Variants in CLMN observed in about 807,000 individuals in gnomAD.
CLMN encodes the protein calmin, also known as calmin (calponin-like, transmembrane).
CLMN carries 57 observed loss-of-function variants against 92.7 expected under a neutral mutation model. That is an observed-to-expected ratio of 0.61 (90% CI 0.50 to 0.77). CLMN has a LOEUF of 0.77. Ranked by LOEUF, CLMN falls within the 30% of genes least tolerant of loss-of-function variation. The pLI is 0.00. For synonymous variants in CLMN, 466 were observed against 470.6 expected, an observed-to-expected ratio of 0.99 and a Z score of 0.13; for missense variants, 1,158 against 1,237.5, an observed-to-expected ratio of 0.94 and a Z score of 0.96.
chr14:95,319,589 A>C, intron 1 of CLMN, 122 bp downstream of exon 1: 1 of 784,118 alleles, frequency 1.3e-6, no homozygotes, highest in Non-Finnish European at 1.9e-6. Context: ...CCTCGAGGCA[A>C]GTGACAGGAA....
Position 95,222,230 on chromosome 14 carries a change from G to A in CLMN, c.241-456C>T, listed in dbSNP as rs147972485. ...TCAGCTGCTAAATCATCCAGCCGAG[G>A]TCCTCCCCAGTGGCGGCAGATGTTT... On this transcript the variant is annotated intron_variant, in intron 3 of 12. Coordinates refer to ENST00000298912, the MANE Select transcript of CLMN (RefSeq NM_024734.4). Among the ~76,000 whole-genome samples the A allele has an allele frequency of 3.2e-3, 495 of 152,320 alleles. 5 individuals are homozygous for A. Among genetic ancestry groups the A allele is most frequent in the African/African-American group, 0.012 (482 of 41,558 alleles).
chr14:95,277,707 A>C (rs1188295935), intron 1 of CLMN, among the ~76,000 whole-genome samples: 1 of 152,198 alleles, frequency 6.6e-6, no homozygotes, highest in Non-Finnish European at 1.5e-5. Context: ...GGCTCACTGC[A>C]ACCTCTGCCT....
rs548585300 is a variant in CLMN at position 95,231,225 on chromosome 14, C to G, written c.83-1092G>C. 2.7e-4 allele frequency among the ~76,000 whole-genome samples: 39 copies of G among 142,476 alleles called. 2 individuals carry two copies. In the South Asian group the frequency reaches 8.2e-3, roughly 30 times the overall value. The allele number at this position is 142,476 out of a possible 152,430, so 93.5% of individuals were successfully genotyped here. A position where few individuals can be genotyped will look rare whatever the true frequency, so the allele number is the denominator to read the frequency against. On this transcript the variant is annotated intron_variant, in intron 1 of 12. Transcript: ENST00000298912. ...TTTTTTTTTTTTTTTGATACAGAGTCTAGCTCTGTCACCCAGGCTGGAGTG... is the reference window on the plus strand; with the variant it reads ...TTTTTTTTTTTTTTTGATACAGAGTGTAGCTCTGTCACCCAGGCTGGAGTG...
intron 1 of CLMN, among the ~76,000 whole-genome samples, chr14:95,285,199 T>C (rs1900294160): frequency 6.6e-6 from 1 of 152,220 alleles, no homozygotes; most frequent in Non-Finnish European, 1.5e-5. Context: ...TGAGGCCTCC[T>C]TAGCCATGTG....
chr14:95,202,881 T>C lies in CLMN; in HGVS notation c.2468A>G (p.Gln823Arg). The C allele has an allele frequency of 6.4e-7, 1 of 1,564,036 alleles. No individual in the cohort carries two copies. The highest frequency in any genetic ancestry group is 8.6e-7 in the Non-Finnish European group (1 of 1,160,068). ...PAPLAPHEDH[Q>R]QRETKENDPM... ...GTCATTCTCTTTGGTCTCCCTTTGCTGGTGGTCCTCATGGGGGGCCAGTGG... is the reference window on the plus strand; with the variant it reads ...GTCATTCTCTTTGGTCTCCCTTTGCCGGTGGTCCTCATGGGGGGCCAGTGG... The change falls in exon 9 of 13, where the codon CAG becomes CGG. Residue 823 changes from glutamine (Q) to arginine (R), a missense_variant. Gln to Arg is a conservative substitution (Grantham distance 43). Transcript: ENST00000298912.
At chr14:95,237,110 A>G (rs556947364) in intron 1 of CLMN, among the ~76,000 whole-genome samples, 1 of 152,352 alleles carries the variant, frequency 6.6e-6, no homozygotes, top group East Asian at 1.9e-4. Context: ...ACTACCCTGT[A>G]AAATGGAGAT....
Position 95,204,311 on chromosome 14 carries a change from T to C in CLMN, c.1038A>G (p.Pro346=). The C allele has an allele frequency of 1.2e-6, 2 of 1,613,500 alleles. No homozygotes were observed. The highest frequency in any genetic ancestry group is 1.7e-6 in the Non-Finnish European group (2 of 1,179,918). ...YTVNHETSHP[P]PSKVFVCDKP... ...TGTCACAGACAAAGACTTTGGAGGG[T>C]GGTGGGTGGCTGGTTTCATGGTTAA... Residue 346 remains proline, a synonymous_variant, in exon 9 of 13, where the codon CCA becomes CCG. Coordinates refer to ENST00000298912, the MANE Select transcript of CLMN (RefSeq NM_024734.4).
chr14:95,254,747 G>T (rs1006415966), intron 1 of CLMN, among the ~76,000 whole-genome samples: 2 of 152,162 alleles, frequency 1.3e-5, no homozygotes, highest in Non-Finnish European at 2.9e-5. Flanking sequence ...ACCCAGGCTG[G>T]AGTGCAGTGG....
At chr14:95,266,813 A>C (rs1899492289) in intron 1 of CLMN, among the ~76,000 whole-genome samples, 1 of 152,226 alleles carries the variant, frequency 6.6e-6, no homozygotes, top group South Asian at 2.1e-4. Flanking sequence ...CAAGTAACCA[A>C]AACAGCATGG....
intron 8 of CLMN, among the ~76,000 whole-genome samples, chr14:95,206,865 G>C (rs1897058812): frequency 6.6e-6 from 1 of 152,158 alleles, no homozygotes; most frequent in African/African-American, 2.4e-5. Flanking sequence ...TACAGATTAA[G>C]AGCTCAGGGC....
chr14:95,299,573 C>T (rs776807485), intron 1 of CLMN, among the ~76,000 whole-genome samples: 1 of 152,170 alleles, frequency 6.6e-6, no homozygotes, highest in Non-Finnish European at 1.5e-5. Flanking sequence ...AACCTGTCCA[C>T]GCCCACTAGG....
At chr14:95,240,414 A>C (rs1351162437) in intron 1 of CLMN, among the ~76,000 whole-genome samples, 1 of 152,140 alleles carries the variant, frequency 6.6e-6, no homozygotes, top group Non-Finnish European at 1.5e-5. Context: ...CATGGCCCCA[A>C]ACAAAATCCC....
chr14:95,210,820 G>A lies in CLMN; in HGVS notation c.668C>T (p.Ala223Val), dbSNP rs150401399. 1.1e-5 allele frequency: 18 copies of A among 1,577,102 alleles called. No homozygotes were observed. Among genetic ancestry groups the A allele is most frequent in the South Asian group, 4.6e-5 (4 of 86,232 alleles). ...GCTGGGGTCAATGGCCTTGATCACC[G>A]CCAGGAAAGCCAGCCCACTCCTCCA... ...GSWRSGLAFL[A>V]VIKAIDPSLV... is the part of the protein sequence containing the mutation. Residue 223 changes from alanine (A) to valine (V), a missense_variant, in exon 7 of 13, where the codon GCG becomes GTG. Physicochemically the swap from Ala to Val is moderately conservative, Grantham distance 64. Transcript: ENST00000298912.
At chr14:95,275,632 C>T (rs1042521699) in intron 1 of CLMN, among the ~76,000 whole-genome samples, 1 of 152,206 alleles carries the variant, frequency 6.6e-6, no homozygotes, top group Non-Finnish European at 1.5e-5. Flanking sequence ...GTCCTCTGGA[C>T]CACACTGCCT....
chr14:95,215,723 A>C lies in CLMN; in HGVS notation c.335T>G (p.Val112Gly), dbSNP rs925159176. ...KFLEDSNVKLVSIDAAEIADG... is the reference protein window; with the variant it reads ...KFLEDSNVKLGSIDAAEIADG... Reference sequence around the variant, plus strand: ...TGCTATTTCTGCTGCATCAATGCTAACCAGTTTTACCTGGAGGGAAGCAAT... The same window carrying C: ...TGCTATTTCTGCTGCATCAATGCTACCCAGTTTTACCTGGAGGGAAGCAAT... The change falls in exon 5 of 13, where the codon GTT becomes GGT. Residue 112 changes from valine to glycine, a missense_variant. By Grantham distance (109) the Val-to-Gly change is moderately radical (BLOSUM62 -3). Coordinates refer to ENST00000298912, the MANE Select transcript of CLMN (RefSeq NM_024734.4). 6.2e-7 allele frequency: 1 copy of C among 1,614,058 alleles called. No homozygotes were observed. Among genetic ancestry groups the C allele is most frequent in the Non-Finnish European group, 8.5e-7 (1 of 1,179,950 alleles).
intron 1 of CLMN, among the ~76,000 whole-genome samples, chr14:95,258,213 G>A (rs747591140): frequency 2.0e-5 from 3 of 151,780 alleles, no homozygotes; most frequent in Non-Finnish European, 4.4e-5. Context: ...ATGATGTGGT[G>A]TGTGTGGTGT....
At chr14:95,223,405 AGGGT>A (rs1476154782) in intron 3 of CLMN, among the ~76,000 whole-genome samples, 1 of 152,204 alleles carries the variant, frequency 6.6e-6, no homozygotes, top group Admixed American at 6.5e-5. Flanking sequence ...GCTTAGCCTT[AGGGT>A]GGTTGATAAA....
intron 2 of CLMN, among the ~76,000 whole-genome samples, chr14:95,227,128 CA>C (rs1897736748): frequency 6.6e-6 from 1 of 152,110 alleles, no homozygotes; most frequent in African/African-American, 2.4e-5. Context: ...GCCAGAGACC[CA>C]GGGGCAGGAA....
intron 1 of CLMN, among the ~76,000 whole-genome samples, chr14:95,296,742 T>C (rs931569592): frequency 1.3e-5 from 2 of 152,224 alleles, no homozygotes; most frequent in African/African-American, 2.4e-5. Context: ...GGGATGGCAG[T>C]GCAATGAGCT....
Sources: gnomAD v4.1 joint callset for allele counts (sites outside exome capture counted in the v4.1 genomes callset) on GRCh38, gnomAD v4.1.1 for gene constraint, MANE v1.5 for transcripts, NCBI Gene and HGNC (gene_info 2026-07-23, HGNC 2026-07-21) for gene names.